ROBO1: variants seen among roughly 807,000 people sequenced by gnomAD.
ROBO1 encodes the protein roundabout guidance receptor 1, also known as roundabout homolog 1.
In ROBO1, 149 loss-of-function variants were observed where a neutral mutation model predicts 195.9. The ratio of observed to expected loss-of-function variants is 0.76; its 90% CI spans 0.67 to 0.87. ROBO1 has a LOEUF of 0.87. Ranked by LOEUF, ROBO1 falls within the 40% of genes least tolerant of loss-of-function variation. ROBO1 has a pLI of 0.00. For missense variants in ROBO1, 1,933 were observed against 2,068.3 expected (o/e 0.93, Z 1.27); for synonymous variants, 816 against 733.2 (o/e 1.11, Z -1.82).
intron 2 of ROBO1, among the ~76,000 whole-genome samples, chr3:79,305,809 C>G (rs896632879): frequency 2.0e-5 from 3 of 152,144 alleles, no homozygotes; most frequent in Admixed American, 2.0e-4. Flanking sequence ...GAGAACAACA[C>G]TCAAACTTGT....
intron 2 of ROBO1, among the ~76,000 whole-genome samples, chr3:79,125,945 C>A (rs1392622578): frequency 6.6e-6 from 1 of 152,036 alleles, no homozygotes; most frequent in African/African-American, 2.4e-5. Context: ...TGACTGTGAT[C>A]ACTCCCCATC....
intron 17 of ROBO1, 134 bp from the exon 18 acceptor site, chr3:78,657,403 A>AT: frequency 1.3e-6 from 1 of 794,666 alleles, no homozygotes; most frequent in Non-Finnish European, 1.9e-6. Flanking sequence ...TTCCAAAGTC[A>AT]TTTTTTCCCT....
At chr3:79,088,744 C>T (rs184051269) in intron 3 of ROBO1, among the ~76,000 whole-genome samples, 505 of 152,142 alleles carry the variant, frequency 3.3e-3, no homozygotes, top group African/African-American at 0.012. Context: ...TTAATAATAA[C>T]CAAATGTTAA....
chr3:79,513,275 A>G (rs1940797931), intron 2 of ROBO1, among the ~76,000 whole-genome samples: 1 of 152,184 alleles, frequency 6.6e-6, no homozygotes, highest in Non-Finnish European at 1.5e-5. Flanking sequence ...GAAAACTAGT[A>G]GATGACTTAA....
At chr3:79,625,342 C>T (rs1055330025) in intron 1 of ROBO1, among the ~76,000 whole-genome samples, 6 of 133,162 alleles carry the variant, frequency 4.5e-5, no homozygotes, top group African/African-American at 8.7e-5. Flanking sequence ...CAAGAAATAA[C>T]GAAGATCAGA....
intron 2 of ROBO1, among the ~76,000 whole-genome samples, chr3:79,455,374 A>G (rs2039584405): frequency 6.6e-6 from 1 of 152,094 alleles, no homozygotes; most frequent in African/African-American, 2.4e-5. Flanking sequence ...TTTTTATAGG[A>G]CAAGAAATTT....
chr3:79,208,065 T>C (rs2081904408), intron 2 of ROBO1, among the ~76,000 whole-genome samples: 1 of 152,228 alleles, frequency 6.6e-6, no homozygotes, highest in Admixed American at 6.6e-5. Flanking sequence ...ATAACAAATC[T>C]AAGTTCCCCA....
chr3:79,406,516 CA>C (rs1374866241), intron 2 of ROBO1, among the ~76,000 whole-genome samples: 1 of 151,758 alleles, frequency 6.6e-6, no homozygotes, highest in Admixed American at 6.6e-5. Flanking sequence ...TTCTTTCCCC[CA>C]AAAGCTAGAA....
intron 2 of ROBO1, among the ~76,000 whole-genome samples, chr3:79,313,174 G>A (rs550568114): frequency 7.9e-5 from 11 of 139,378 alleles, no homozygotes; most frequent in Admixed American, 4.4e-4. Flanking sequence ...GTGACAGAGC[G>A]AGACTCCATC....
At chr3:79,555,654 A>G (rs1942672712) in intron 2 of ROBO1, among the ~76,000 whole-genome samples, 1 of 152,132 alleles carries the variant, frequency 6.6e-6, no homozygotes, top group Admixed American at 6.6e-5. Flanking sequence ...CTGCTTTGTT[A>G]TGGAGCTTTT....
intron 2 of ROBO1, chr3:79,507,984 A>G (rs188032151): frequency 3.3e-4 from 51 of 153,208 alleles, no homozygotes; most frequent in African/African-American, 1.2e-3. Flanking sequence ...TCAGCAAAAT[A>G]TCAGCAAAAT....
At chr3:79,009,347 A>C (rs774127227) in intron 3 of ROBO1, among the ~76,000 whole-genome samples, 11 of 152,120 alleles carry the variant, frequency 7.2e-5, no homozygotes, top group Non-Finnish European at 1.6e-4. Flanking sequence ...GATTAGTGGT[A>C]TAGTGTAAGA....
chr3:78,717,194 T>A, intron 7 of ROBO1, 81 bp downstream of exon 7: 2 of 1,416,046 alleles, frequency 1.4e-6, no homozygotes, highest in Non-Finnish European at 1.9e-6. Flanking sequence ...ACTATTCTAA[T>A]GGCCCGGATG....
intron 3 of ROBO1, among the ~76,000 whole-genome samples, chr3:79,124,695 TACA>T (rs1284370489): frequency 1.3e-5 from 2 of 152,178 alleles, no homozygotes; most frequent in Non-Finnish European, 2.9e-5. Flanking sequence ...AGACCACTGT[TACA>T]ACATTATCTA....
At chr3:79,407,306 G>A (rs1307937120) in intron 2 of ROBO1, among the ~76,000 whole-genome samples, 1 of 152,078 alleles carries the variant, frequency 6.6e-6, no homozygotes, top group Admixed American at 6.6e-5. Flanking sequence ...ATAAATGGAT[G>A]ATGTACATAA....
intron 2 of ROBO1, among the ~76,000 whole-genome samples, chr3:79,413,189 A>C (rs554268249): frequency 1.3e-5 from 2 of 152,134 alleles, no homozygotes; most frequent in African/African-American, 4.8e-5. Flanking sequence ...TAAAGAGCTC[A>C]CATGGCTGCC....
chr3:79,520,346 T>C (rs1045515547), intron 2 of ROBO1, among the ~76,000 whole-genome samples: 1 of 151,840 alleles, frequency 6.6e-6, no homozygotes, highest in Non-Finnish European at 1.5e-5. Flanking sequence ...AAATTAAGAG[T>C]AGTTCAATTC....
intron 1 of ROBO1, among the ~76,000 whole-genome samples, chr3:79,743,591 C>T (rs35754336): frequency 6.6e-6 from 1 of 152,170 alleles, no homozygotes; most frequent in Non-Finnish European, 1.5e-5. Flanking sequence ...CTTACTGAAA[C>T]TTTTTTCTTT....
chr3:78,899,041 C>T (rs906886729), intron 4 of ROBO1, among the ~76,000 whole-genome samples: 2 of 152,172 alleles, frequency 1.3e-5, no homozygotes, highest in Admixed American at 6.5e-5. Context: ...TCACCTACAA[C>T]TTGATTTATT....
Sources: allele counts gnomAD v4.1 joint callset (sites outside exome capture counted in the v4.1 genomes callset), GRCh38; gene constraint gnomAD v4.1.1; transcripts MANE v1.5; gene names NCBI Gene and HGNC (gene_info 2026-07-23, HGNC 2026-07-21).